The following ST18 variants were observed in gnomAD, a reference collection of about 807,000 sequenced individuals.
ST18 encodes the protein suppression of tumorigenicity 18 protein.
ST18 carries 50 observed loss-of-function variants against 110.0 expected under a neutral mutation model. The observed-to-expected ratio is 0.45, with a 90% CI of 0.36 to 0.58. ST18 has a LOEUF of 0.58. Among genes scored for constraint, ST18 ranks in the 20% least tolerant of loss-of-function variants. The probability of loss-of-function intolerance (pLI) is 0.00; values close to 1 mark genes in which losing one functional copy is unlikely to be tolerated. For missense variants in ST18, 1,306 were observed against 1,280.1 expected (o/e 1.02, Z -0.31); for synonymous variants, 461 against 452.4 (o/e 1.02, Z -0.24).
At chr8:52,321,765 A>G (rs1198380694) in intron 2 of ST18, among the ~76,000 whole-genome samples, 1 of 152,220 alleles carries the variant, frequency 6.6e-6, no homozygotes, top group Non-Finnish European at 1.5e-5. Context: ...GATTTAATGT[A>G]TTTTAAGTAT....
chr8:52,113,954 G>GTTTTTTTTTTTTTTTTTTTTTTTTTTT (rs1158213340), intron 25 of ST18, among the ~76,000 whole-genome samples: 2 of 45,422 alleles, frequency 4.4e-5, no homozygotes, highest in Non-Finnish European at 3.8e-5. Flanking sequence ...TTCATACCGT[G>GTTTTTTTTTTTTTTTTTTTTTTTTTTT]TTTTTTTTTT....
rs1336160475 is a variant in ST18, at chr8:52,262,747, C to T, written c.-464-32670G>A. Among the ~76,000 whole-genome samples the T allele has an allele frequency of 3.2e-4, 49 of 152,242 alleles. 1 individual carries two copies. Among genetic ancestry groups the T allele is most frequent in the Admixed American group, 3.2e-3 (49 of 15,288 alleles). ...TTTCTAAGTACCATTTGAACTTTCT[C>T]TGTTTTGCCCAAGGCTGCCTTTGCA... On this transcript the variant is annotated intron_variant, in intron 2 of 25. Transcript: ENST00000689386.
At chr8:52,370,067 T>C (rs1186347729) in intron 2 of ST18, among the ~76,000 whole-genome samples, 1 of 152,182 alleles carries the variant, frequency 6.6e-6, no homozygotes, top group African/African-American at 2.4e-5. Context: ...ACCCACCAGG[T>C]TAGCTGTGAG....
intron 2 of ST18, among the ~76,000 whole-genome samples, chr8:52,357,177 C>G (rs545481403): frequency 6.6e-6 from 1 of 152,034 alleles, no homozygotes; most frequent in Admixed American, 6.5e-5. Flanking sequence ...CACGGAGTAT[C>G]GAGCTTCCAT....
chr8:52,130,155 G>GAA (rs1208052941), intron 22 of ST18, among the ~76,000 whole-genome samples: 11 of 149,414 alleles, frequency 7.4e-5, no homozygotes, highest in African/African-American at 2.5e-4. Flanking sequence ...AAGAAAGAAA[G>GAA]AAAGAAAGAA....
At chr8:52,138,434 G>A (rs1427066943) in intron 17 of ST18, among the ~76,000 whole-genome samples, 2 of 152,122 alleles carry the variant, frequency 1.3e-5, no homozygotes, top group Non-Finnish European at 2.9e-5. Context: ...GTCATGTCCT[G>A]TCCACCTTAT....
At chr8:52,357,721 A>ATT (rs1564568818) in intron 2 of ST18, among the ~76,000 whole-genome samples, 38 of 80,206 alleles carry the variant, frequency 4.7e-4, no homozygotes, top group African/African-American at 3.8e-3. Flanking sequence ...ATATATATAT[A>ATT]TATATATATA....
intron 2 of ST18, among the ~76,000 whole-genome samples, chr8:52,309,520 C>CA (rs756214451): frequency 0.2 from 7,663 of 37,420 alleles, 1,298 homozygotes; most frequent in Non-Finnish European, 0.28. Context: ...GACTCCATCT[C>CA]AAAAAAAAAA....
intron 11 of ST18, among the ~76,000 whole-genome samples, chr8:52,165,724 C>A (rs1184569150): frequency 2.0e-5 from 3 of 152,166 alleles, no homozygotes; most frequent in Middle Eastern, 3.2e-3. Context: ...AGCGAAGAGC[C>A]AGAGAACCAG....
At chr8:52,280,727 A>G (rs2095360064) in intron 2 of ST18, among the ~76,000 whole-genome samples, 1 of 152,092 alleles carries the variant, frequency 6.6e-6, no homozygotes, top group Non-Finnish European at 1.5e-5. Context: ...GTCTTAAAAC[A>G]TGTAAAGCAA....
intron 2 of ST18, among the ~76,000 whole-genome samples, chr8:52,363,844 A>G (rs888865421): frequency 2.0e-5 from 3 of 152,166 alleles, no homozygotes; most frequent in Non-Finnish European, 4.4e-5. Flanking sequence ...TATAATAACC[A>G]TGATCCAGTT....
chr8:52,176,351 A>C (rs7822609), intron 9 of ST18, among the ~76,000 whole-genome samples: 27,597 of 152,110 alleles, frequency 0.18, 5,901 homozygotes, highest in African/African-American at 0.52. Context: ...ATGAGAAGAA[A>C]GGTGATGATC....
intron 2 of ST18, among the ~76,000 whole-genome samples, chr8:52,314,570 T>C (rs2095987284): frequency 6.6e-6 from 1 of 152,218 alleles, no homozygotes; most frequent in Non-Finnish European, 1.5e-5. Context: ...TGATTCTGTG[T>C]AAATCATGAC....
chr8:52,362,166 T>G (rs1054800764), intron 2 of ST18, among the ~76,000 whole-genome samples: 3 of 152,228 alleles, frequency 2.0e-5, no homozygotes, highest in Admixed American at 6.5e-5. Flanking sequence ...ACAGTTGCAT[T>G]AATGGTCACT....
chr8:52,181,882 C>T (rs1015616847), intron 8 of ST18, among the ~76,000 whole-genome samples: 2 of 152,038 alleles, frequency 1.3e-5, no homozygotes, highest in Non-Finnish European at 2.9e-5. Flanking sequence ...CTTTGAGGGG[C>T]TGAACAGGGA....
chr8:52,116,249 T>A (rs778082620), intron 25 of ST18, 26 bp downstream of exon 25: 5 of 1,605,626 alleles, frequency 3.1e-6, no homozygotes, highest in South Asian at 1.1e-5. Context: ...TGTAATGGAA[T>A]GGCAAGGTTC....
At chr8:52,131,399 G>A (rs1462713769) in intron 22 of ST18, among the ~76,000 whole-genome samples, 3 of 152,180 alleles carry the variant, frequency 2.0e-5, no homozygotes, top group Non-Finnish European at 4.4e-5. Context: ...ACACTCGGTG[G>A]TAAAGGAATT....
intron 2 of ST18, among the ~76,000 whole-genome samples, chr8:52,357,993 T>C (rs1293592119): frequency 1.3e-5 from 2 of 151,614 alleles, no homozygotes; most frequent in Non-Finnish European, 3.0e-5. Context: ...GTTAAAATTA[T>C]AGAAAGTATT....
intron 3 of ST18, among the ~76,000 whole-genome samples, chr8:52,226,107 C>T (rs1936736640): frequency 6.6e-6 from 1 of 152,158 alleles, no homozygotes; most frequent in African/African-American, 2.4e-5. Flanking sequence ...CAGTGACCTC[C>T]ATTAACACTC....
Sources: allele counts gnomAD v4.1 joint callset (sites outside exome capture counted in the v4.1 genomes callset), GRCh38; gene constraint gnomAD v4.1.1; transcripts MANE v1.5; gene names NCBI Gene and HGNC (gene_info 2026-07-23, HGNC 2026-07-21).